The following CRACDL variants were observed in gnomAD, a reference collection of about 807,000 sequenced individuals.
CRACDL encodes the protein CRACD like.
A neutral mutation model predicts 70.6 loss-of-function variants in CRACDL; 26 were observed. The ratio of observed to expected loss-of-function variants is 0.37; its 90% CI spans 0.27 to 0.51. The LOEUF (loss-of-function observed/expected upper bound fraction) is 0.51. CRACDL is among the 20% of genes least tolerant of loss of function. The probability of loss-of-function intolerance (pLI) is 0.94; values close to 1 mark genes in which losing one functional copy is unlikely to be tolerated. For synonymous variants in CRACDL, 618 were observed against 615.2 expected (o/e 1.00, Z -0.07); for missense variants, 1,283 against 1,376.9 (o/e 0.93, Z 1.08).
chr2:98,888,744 A>G (rs1271625043), intron 1 of CRACDL, among the ~76,000 whole-genome samples: 1 of 152,268 alleles, frequency 6.6e-6, no homozygotes, highest in East Asian at 1.9e-4. Flanking sequence ...TTTTAAAAAG[A>G]TCTACATCTA....
rs1705119484 is a variant in CRACDL, at chr2:98,822,672, G to A, written c.1601C>T (p.Ala534Val). The A allele has an allele frequency of 6.3e-6, 8 of 1,277,878 alleles. No individual in the cohort carries two copies. The highest frequency in any genetic ancestry group is 7.9e-6 in the Non-Finnish European group (8 of 1,015,598). 79.2% of individuals were successfully genotyped at this position (1,277,878 alleles called of 1,614,324 possible). The change falls in exon 7 of 10, where the codon GCC becomes GTC. Residue 534 changes from alanine (A) to valine (V), a missense_variant. This residue lies in a region of CRACDL where 921 missense variants were observed against 881.9 expected (regional missense o/e 1.04). Transcript: ENST00000397899. The surrounding 1 kb of genome is among the most constrained non-coding windows in gnomAD (Gnocchi z 4.9). ...GGCCTTGGGGCGCTCCGGGGCGGCG[G>A]CCTCTGCGTCGAGGGAACCGGGGCC... ...EPGPGSLDAE[A>V]AAPERPKAER...
chr2:98,803,040 C>T (rs905016488), intron 7 of CRACDL, among the ~76,000 whole-genome samples: 1 of 146,486 alleles, frequency 6.8e-6, no homozygotes, highest in Non-Finnish European at 1.5e-5. Context: ...CGCTCTGTTG[C>T]CCAGGCTGGA....
chr2:98,901,503 C>T (rs922534377), intron 1 of CRACDL, among the ~76,000 whole-genome samples: 11 of 152,192 alleles, frequency 7.2e-5, no homozygotes, highest in Non-Finnish European at 1.2e-4. Flanking sequence ...GGCCTGAGGC[C>T]CTAACCAACA....
chr2:98,918,996 T>A (rs537842288), intron 1 of CRACDL, among the ~76,000 whole-genome samples: 204 of 152,340 alleles, frequency 1.3e-3, no homozygotes, highest in African/African-American at 4.8e-3. Context: ...TAGACATGAA[T>A]TCTTTGCCTA....
At position 98,823,093 on chromosome 2, in the gene CRACDL, C is replaced by A; in HGVS notation, c.1180G>T (p.Ala394Ser). ...ATDKAEEVVC[A>S]PEDVASPFPT... ...AACGGGCTCGCGACGTCTTCGGGAG[C>A]ACAGACCACCTCCTCCGCCTTGTCC... Residue 394 changes from alanine to serine, a missense_variant, in exon 7 of 10, where the codon GCT becomes TCT. This residue lies in a region of CRACDL where 921 missense variants were observed against 881.9 expected (regional missense o/e 1.04). Transcript: ENST00000397899. This position sits in a 1 kb window ranked among gnomAD's most constrained non-coding sequence, Gnocchi z 4.0. 1.3e-6 allele frequency: 2 copies of A among 1,578,640 alleles called. No individual in the cohort carries two copies. Among genetic ancestry groups the A allele is most frequent in the South Asian group, 2.3e-5 (2 of 86,674 alleles).
chr2:98,890,338 C>T (rs1419593915), intron 1 of CRACDL, among the ~76,000 whole-genome samples: 1 of 152,066 alleles, frequency 6.6e-6, no homozygotes, highest in African/African-American at 2.4e-5. Context: ...ACCAACATTA[C>T]AGAAATAAAG....
intron 7 of CRACDL, among the ~76,000 whole-genome samples, chr2:98,807,676 T>C (rs1704371548): frequency 6.6e-6 from 1 of 152,238 alleles, no homozygotes; most frequent in Admixed American, 6.5e-5. Context: ...CTAAATAGAA[T>C]TGTTGTTGAA....
chr2:98,808,786 G>A (rs942418306), intron 7 of CRACDL, among the ~76,000 whole-genome samples: 1 of 152,218 alleles, frequency 6.6e-6, no homozygotes, highest in Non-Finnish European at 1.5e-5. Context: ...TGGGGTGAGT[G>A]CACAGAGGGT....
At chr2:98,906,802 A>C (rs1461684316) in intron 1 of CRACDL, among the ~76,000 whole-genome samples, 1 of 152,062 alleles carries the variant, frequency 6.6e-6, no homozygotes, top group East Asian at 1.9e-4. Flanking sequence ...AAGAGTGCTG[A>C]GTTTTATTCT....
At chr2:98,913,983 T>C (rs1042181717) in intron 1 of CRACDL, among the ~76,000 whole-genome samples, 1 of 152,224 alleles carries the variant, frequency 6.6e-6, no homozygotes, top group Non-Finnish European at 1.5e-5. Context: ...CCTGAATGCA[T>C]GGAAGCCTCG....
In CRACDL at chr2:98,895,950, G is replaced by A. The variant is rs150334072; in HGVS notation, c.-11+39988C>T. 4.6e-4 allele frequency among the ~76,000 whole-genome samples: 70 copies of A among 152,256 alleles called. 2 individuals are homozygous for A. In the East Asian group the frequency reaches 0.011, roughly 24 times the overall value. The stretch of plus-strand genomic sequence containing the variant: ...GACACAGCAGGAAGGTGCTACCTAC[G>A]AACCAGAAAGTGGATTCTCACCAGA... On this transcript the variant is annotated intron_variant, in intron 1 of 9. Transcript: ENST00000397899.
intron 7 of CRACDL, among the ~76,000 whole-genome samples, chr2:98,800,415 T>C (rs993700609): frequency 6.6e-6 from 1 of 152,038 alleles, no homozygotes; most frequent in Non-Finnish European, 1.5e-5. Context: ...CTGTCCATAA[T>C]GGGGACACTG....
intron 1 of CRACDL, among the ~76,000 whole-genome samples, chr2:98,911,431 G>T (rs916330844): frequency 1.3e-5 from 2 of 152,200 alleles, no homozygotes. Flanking sequence ...ATCAGGCTCC[G>T]CAGGGACAAG....
chr2:98,904,837 C>T (rs1266970910), intron 1 of CRACDL, among the ~76,000 whole-genome samples: 1 of 152,176 alleles, frequency 6.6e-6, no homozygotes, highest in Non-Finnish European at 1.5e-5. Flanking sequence ...TGAAATGCGA[C>T]CCCCAATGTT....
intron 1 of CRACDL, among the ~76,000 whole-genome samples, chr2:98,897,141 C>T (rs192510432): frequency 6.6e-5 from 10 of 152,254 alleles, no homozygotes; most frequent in Non-Finnish European, 1.2e-4. Flanking sequence ...CCCCTGGCAA[C>T]CACTGATTTG....
At chr2:98,809,079 A>C (rs1704442950) in intron 7 of CRACDL, among the ~76,000 whole-genome samples, 1 of 152,174 alleles carries the variant, frequency 6.6e-6, no homozygotes, top group Non-Finnish European at 1.5e-5. Context: ...CACCATGGTC[A>C]CTTTTGTTAT....
intron 7 of CRACDL, among the ~76,000 whole-genome samples, chr2:98,805,306 CT>C (rs1253765953): frequency 6.6e-6 from 1 of 152,070 alleles, no homozygotes; most frequent in African/African-American, 2.4e-5. Context: ...AAAACCCCCC[CT>C]AAGACAGGAG....
intron 7 of CRACDL, among the ~76,000 whole-genome samples, chr2:98,818,082 T>G (rs1173907875): frequency 1.3e-5 from 2 of 152,194 alleles, no homozygotes; most frequent in African/African-American, 2.4e-5. Context: ...TGACCTGTAA[T>G]TTAGACTCTG....
At chr2:98,914,478 G>A (rs1423081091) in intron 1 of CRACDL, among the ~76,000 whole-genome samples, 2 of 152,246 alleles carry the variant, frequency 1.3e-5, no homozygotes, top group African/African-American at 4.8e-5. Flanking sequence ...CGGAAGTTGA[G>A]TCCTGTCCCC....
Sources: gnomAD v4.1 joint callset for allele counts (sites outside exome capture counted in the v4.1 genomes callset) on GRCh38, gnomAD v4.1.1 for gene constraint, gnomAD v4.1.1 regional missense constraint, Gnocchi (gnomAD v3.1) non-coding constraint, MANE v1.5 for transcripts, NCBI Gene and HGNC (gene_info 2026-07-23, HGNC 2026-07-21) for gene names.